The following HERC1 variants were observed in gnomAD, a reference collection of about 807,000 sequenced individuals.
HERC1 encodes probable E3 ubiquitin-protein ligase HERC1.
A neutral mutation model predicts 554.3 loss-of-function variants in HERC1; 160 were observed. The ratio of observed to expected loss-of-function variants is 0.29; its 90% CI spans 0.25 to 0.33. The LOEUF is 0.33. Among genes scored for constraint, HERC1 ranks in the 10% least tolerant of loss-of-function variants. The pLI, the probability that HERC1 is intolerant of heterozygous loss-of-function variation, is 1.00. For synonymous variants in HERC1, 2,175 were observed against 2,131.7 expected (o/e 1.02, Z -0.56); for missense variants, 4,919 against 5,918.5 (o/e 0.83, Z 5.54).
chr15:63,758,050 T>C lies in HERC1; in HGVS notation c.1221+125A>G, dbSNP rs1402463938. On this transcript the variant is annotated intron_variant, in intron 4 of 77. Transcript: ENST00000443617. The surrounding 1 kb of genome is among the most constrained non-coding windows in gnomAD (Gnocchi z 4.0). ...TAAAATGAAAAAAACTAATGCAGTA[T>C]ATAGACCAGAAATAACCATCGATAA... is the stretch of plus-strand genomic sequence containing the variant. 2 of 739,506 alleles carry C rather than the reference T, an allele frequency of 2.7e-6. No homozygotes were observed. The highest frequency in any genetic ancestry group is 2.1e-6 in the Non-Finnish European group (1 of 469,200). 45.8% of individuals were successfully genotyped at this position (739,506 alleles called of 1,614,324 possible).
At chr15:63,625,649 G>A (rs1432014501) in intron 71 of HERC1, among the ~76,000 whole-genome samples, 3 of 149,760 alleles carry the variant, frequency 2.0e-5, no homozygotes, top group Non-Finnish European at 3.0e-5. Context: ...AGCTGAGATT[G>A]CGCCACTGCA....
Position 63,674,898 on chromosome 15 carries a change from C to T in HERC1, c.7290G>A (p.Gln2430=), listed in dbSNP as rs765169813. 5.6e-6 allele frequency: 9 copies of T among 1,614,044 alleles called. No individual in the cohort carries two copies. Among genetic ancestry groups the T allele is most frequent in the Admixed American group, 1.7e-5 (1 of 60,026 alleles). The change falls in exon 38 of 78, where the codon CAG becomes CAA. Residue 2430 remains glutamine (Q), a synonymous_variant. Coordinates refer to ENST00000443617, the MANE Select transcript of HERC1 (RefSeq NM_003922.4). The part of the protein sequence containing the change: ...HESEEKGDVE[Q]KPESESALDM... ...CTAAAGCGGATTCACTCTCAGGTTT[C>T]TGCTCAACATCCCCTTTCTCCTCGG...
intron 39 of HERC1, 133 bp from the exon 40 acceptor site, chr15:63,669,831 G>T: frequency 1.5e-6 from 1 of 668,734 alleles, no homozygotes; most frequent in Non-Finnish European, 2.5e-6. Flanking sequence ...AGGGTGGGGA[G>T]AAAGACTCCT....
At chr15:63,638,039 A>T (rs574938541) in intron 63 of HERC1, among the ~76,000 whole-genome samples, 1 of 152,308 alleles carries the variant, frequency 6.6e-6, no homozygotes, top group South Asian at 2.1e-4. Flanking sequence ...TTGGCGCTAT[A>T]TCGTACCAGG....
rs1319259749 is a variant in HERC1, at chr15:63,734,831, A to T, written c.2539T>A (p.Ser847Thr). 1 of 1,610,968 alleles carries T rather than the reference A, an allele frequency of 6.2e-7. No individual in the cohort carries two copies. Among genetic ancestry groups the T allele is most frequent in the Admixed American group, 1.7e-5 (1 of 59,536 alleles). Residue 847 changes from serine to threonine, a missense_variant, in exon 13 of 78, where the codon TCA (serine) becomes ACA (threonine). Coordinates refer to ENST00000443617, the MANE Select transcript of HERC1 (RefSeq NM_003922.4). The surrounding 1 kb of genome is among the most constrained non-coding windows in gnomAD (Gnocchi z 4.6). The stretch of plus-strand genomic sequence containing the variant: ...GGTAACAGCATGGTTGCTCCCACTG[A>T]TAAAGTTTCAATTACCACCTAATAT... ...EIQEVVIETL[S>T]VGATMLLPPL...
intron 12 of HERC1, among the ~76,000 whole-genome samples, chr15:63,743,835 T>C (rs2074926040): frequency 6.6e-6 from 1 of 152,204 alleles, no homozygotes; most frequent in Admixed American, 6.5e-5. Flanking sequence ...CTTTGGTTCA[T>C]TTGGTTAGGT....
intron 12 of HERC1, among the ~76,000 whole-genome samples, chr15:63,743,456 G>A (rs940510160): frequency 1.4e-4 from 21 of 151,190 alleles, no homozygotes; most frequent in African/African-American, 5.1e-4. Flanking sequence ...GTAGAGAAGG[G>A]GTTTCACCAT....
chr15:63,728,484 G>A (rs563279138), intron 16 of HERC1, among the ~76,000 whole-genome samples: 1 of 152,272 alleles, frequency 6.6e-6, no homozygotes, highest in South Asian at 2.1e-4. Context: ...ATGAGGAAAG[G>A]TTTCAGTTTC....
intron 26 of HERC1, 119 bp downstream of exon 26, chr15:63,698,609 A>T: frequency 1.0e-6 from 1 of 952,388 alleles, no homozygotes; most frequent in Non-Finnish European, 1.5e-6. Context: ...AAGCTCAGGT[A>T]CAGGAAAGGG....
chr15:63,827,609 A>G (rs2077987151), intron 1 of HERC1, among the ~76,000 whole-genome samples: 1 of 152,164 alleles, frequency 6.6e-6, no homozygotes, highest in East Asian at 1.9e-4. Flanking sequence ...AACATACAGT[A>G]ATCATATGAC....
intron 12 of HERC1, among the ~76,000 whole-genome samples, chr15:63,744,624 C>T (rs1482914816): frequency 6.6e-6 from 1 of 152,172 alleles, no homozygotes; most frequent in Non-Finnish European, 1.5e-5. Context: ...CCCATAGCTA[C>T]CACCACCCCA....
At chr15:63,821,643 C>G (rs973145534) in intron 1 of HERC1, among the ~76,000 whole-genome samples, 2 of 147,798 alleles carry the variant, frequency 1.4e-5, no homozygotes, top group Non-Finnish European at 3.0e-5. Flanking sequence ...GGAGGATCAC[C>G]TGAGTCTTGG....
In HERC1 at chr15:63,645,641, A is replaced by T. The variant is rs2069297527; in HGVS notation, c.10920T>A (p.Ile3640=). ...TGTCTTCTTTGGCACATGTCATAAG[A>T]ATATGACCTGTAGGGTCCCACTTCA... The part of the protein sequence containing the change: ...ISMKWDPTGH[I]LMTCAKEDSV... Residue 3640 remains isoleucine (I), a synonymous_variant, in exon 56 of 78, where the codon ATT becomes ATA. Transcript: ENST00000443617. The T allele has an allele frequency of 6.2e-7, 1 of 1,609,702 alleles. No homozygotes were observed. Among genetic ancestry groups the T allele is most frequent in the East Asian group, 2.2e-5 (1 of 44,758 alleles).
At chr15:63,829,499 T>TATATATATAC (rs1336272062) in intron 1 of HERC1, among the ~76,000 whole-genome samples, 9 of 53,374 alleles carry the variant, frequency 1.7e-4, no homozygotes, top group Admixed American at 1.8e-4. Flanking sequence ...TATATATATA[T>TATATATATAC]ACACACACAC....
At chr15:63,620,390 T>G (rs1306862452) in intron 74 of HERC1, among the ~76,000 whole-genome samples, 1 of 151,910 alleles carries the variant, frequency 6.6e-6, no homozygotes, top group Non-Finnish European at 1.5e-5. Context: ...CTTTTACATT[T>G]GCTGAGGAGT....
chr15:63,717,175 C>T (rs1390725981), intron 21 of HERC1, among the ~76,000 whole-genome samples: 2 of 152,160 alleles, frequency 1.3e-5, no homozygotes, highest in Non-Finnish European at 2.9e-5. Context: ...AAGACTTTTA[C>T]AGAGATGGGG....
intron 1 of HERC1, among the ~76,000 whole-genome samples, chr15:63,793,384 T>C (rs2076712604): frequency 6.6e-6 from 1 of 152,202 alleles, no homozygotes; most frequent in African/African-American, 2.4e-5. Flanking sequence ...ATACACTAAT[T>C]ATAATGCATT....
rs111577041 is a variant in HERC1, at chr15:63,674,314, CA to C, written c.7846+27del. The C allele has an allele frequency of 0.17, 198,664 of 1,184,078 alleles. No homozygotes were observed. Among genetic ancestry groups the C allele is most frequent in the East Asian group, 0.32 (9,652 of 29,764 alleles). 73.3% of individuals were successfully genotyped at this position (1,184,078 alleles called of 1,614,324 possible). ...GAAAATAATCTCAACAGCACAAAAG[CA>C]AAAAAAAAAAAAATCAGATAACATA... is the stretch of plus-strand genomic sequence containing the variant. On this transcript the variant is annotated intron_variant, in intron 38 of 77. Transcript: ENST00000443617.
At chr15:63,642,381 A>T (rs2069111674) in intron 59 of HERC1, among the ~76,000 whole-genome samples, 1 of 152,152 alleles carries the variant, frequency 6.6e-6, no homozygotes, top group Admixed American at 6.5e-5. Context: ...TCTGTCACCC[A>T]GGTTGGAGTA....
Sources: allele counts gnomAD v4.1 joint callset (sites outside exome capture counted in the v4.1 genomes callset), GRCh38; gene constraint gnomAD v4.1.1; non-coding constraint Gnocchi (gnomAD v3.1); transcripts MANE v1.5; gene names NCBI Gene and HGNC (gene_info 2026-07-23, HGNC 2026-07-21).